SCP2: variants seen among roughly 807,000 people sequenced by gnomAD.
The protein encoded by SCP2 is SCP-2/3-oxoacyl-CoA thiolase.
In SCP2, 48 loss-of-function variants were observed where a neutral mutation model predicts 71.4. The ratio of observed to expected loss-of-function variants is 0.67; its 90% CI spans 0.53 to 0.86. The LOEUF is 0.86. Among genes scored for constraint, SCP2 ranks in the 40% least tolerant of loss-of-function variants. The pLI, the probability that SCP2 is intolerant of heterozygous loss-of-function variation, is 0.00. For synonymous variants in SCP2, 220 were observed against 218.1 expected (o/e 1.01, Z -0.08); for missense variants, 560 against 655.6 (o/e 0.85, Z 1.59).
At chr1:53,020,120 C>G (rs1187973491) in intron 12 of SCP2, among the ~76,000 whole-genome samples, 1 of 152,138 alleles carries the variant, frequency 6.6e-6, no homozygotes, top group Non-Finnish European at 1.5e-5. Flanking sequence ...CTCCTGAACT[C>G]AAGTGATCTG....
chr1:52,993,809 T>A, intron 11 of SCP2: 1 of 1,531,840 alleles, frequency 6.5e-7, no homozygotes, highest in Admixed American at 1.9e-5. Flanking sequence ...GTAATCAATA[T>A]CCTGAATTTG....
intron 11 of SCP2, chr1:52,993,874 C>A (rs781530438): frequency 3.4e-6 from 5 of 1,468,716 alleles, no homozygotes; most frequent in Non-Finnish European, 1.8e-6. Flanking sequence ...GATAGTATTC[C>A]TAAGCTATGT....
At chr1:53,014,190 C>A in intron 11 of SCP2, among the ~76,000 whole-genome samples, 1 of 151,750 alleles carries the variant, frequency 6.6e-6, no homozygotes, top group Non-Finnish European at 1.5e-5. Flanking sequence ...CAGGCGTGAG[C>A]CACCGCGCCC....
At chr1:53,030,814 C>A (rs1662485017) in intron 13 of SCP2, among the ~76,000 whole-genome samples, 1 of 151,058 alleles carries the variant, frequency 6.6e-6, no homozygotes, top group Non-Finnish European at 1.5e-5. Context: ...GCAGGAGAAT[C>A]GCTTGAACCT....
At chr1:52,979,154 T>C (rs934716402) in intron 9 of SCP2, among the ~76,000 whole-genome samples, 11 of 152,104 alleles carry the variant, frequency 7.2e-5, no homozygotes, top group Non-Finnish European at 1.3e-4. Flanking sequence ...CATTTTTCAT[T>C]ATACCACAGT....
intron 12 of SCP2, 86 bp from the exon 13 acceptor site, chr1:53,027,883 A>C: frequency 2.6e-6 from 2 of 757,424 alleles, no homozygotes; most frequent in Non-Finnish European, 4.6e-6. Context: ...AGGGTTTTTG[A>C]AAATTTTGAA....
intron 11 of SCP2, chr1:52,994,844 G>A (rs1296929177): frequency 3.9e-6 from 2 of 508,620 alleles, no homozygotes; most frequent in Non-Finnish European, 7.8e-6. Context: ...CATGGGGACA[G>A]CGACCTGCAG....
intron 13 of SCP2, among the ~76,000 whole-genome samples, chr1:53,038,524 C>T (rs1482757286): frequency 6.6e-6 from 1 of 152,096 alleles, no homozygotes; most frequent in East Asian, 1.9e-4. Context: ...CCCATTTCAG[C>T]CTCCTGAGTA....
intron 11 of SCP2, chr1:52,995,882 T>C: frequency 1.4e-6 from 2 of 1,456,528 alleles, no homozygotes; most frequent in Non-Finnish European, 1.9e-6. Context: ...CCTCCACTGG[T>C]ACACAGCTGA....
chr1:53,004,668 T>C (rs1444563992), intron 11 of SCP2, among the ~76,000 whole-genome samples: 1 of 152,238 alleles, frequency 6.6e-6, no homozygotes, highest in Non-Finnish European at 1.5e-5. Flanking sequence ...GGTTCCAAGA[T>C]GGCCAAATAG....
At chr1:52,979,372 G>A (rs1658277730) in intron 9 of SCP2, among the ~76,000 whole-genome samples, 1 of 148,312 alleles carries the variant, frequency 6.7e-6, no homozygotes, top group Admixed American at 6.7e-5. Flanking sequence ...GTAAAGACAC[G>A]ATTTTGCCAT....
chr1:53,009,666 T>C (rs1255348478), intron 11 of SCP2, among the ~76,000 whole-genome samples: 2 of 152,058 alleles, frequency 1.3e-5, no homozygotes, highest in Admixed American at 1.3e-4. Context: ...CCTAAAACCA[T>C]AAAAACCCTA....
In SCP2 at chr1:53,017,227, A is replaced by T. The variant is rs949471803; in HGVS notation, c.1235+2184A>T. On this transcript the variant is annotated intron_variant, in intron 12 of 15. Transcript: ENST00000371514. ...TTTAAAATTAAGGTATAATTTACAT[A>T]CAGTAAAATTCATTCTTTGTATTAT... Among the ~76,000 whole-genome samples, 4 of 152,330 alleles carry T rather than the reference A, an allele frequency of 2.6e-5. No individual in the cohort carries two copies. The East Asian group carries it at 5.8e-4, about 22-fold the overall frequency.
chr1:52,971,062 G>A (rs1657437043), intron 6 of SCP2, among the ~76,000 whole-genome samples: 1 of 139,092 alleles, frequency 7.2e-6, no homozygotes, highest in Non-Finnish European at 1.5e-5. Flanking sequence ...TGCAAGCTCT[G>A]CCTCCCGGGT....
intron 12 of SCP2, among the ~76,000 whole-genome samples, chr1:53,022,206 A>G (rs1267622826): frequency 6.6e-6 from 1 of 152,218 alleles, no homozygotes; most frequent in Non-Finnish European, 1.5e-5. Context: ...TGGACGTTGT[A>G]TGTAAATGAA....
rs7528867 is a variant in SCP2, at chr1:52,988,258, A to T, written c.1081+122A>T. 57,988 of 673,436 alleles carry T rather than the reference A, an allele frequency of 0.086. 6,952 individuals carry two copies. Among genetic ancestry groups the T allele is most frequent in the African/African-American group, 0.46 (25,145 of 55,236 alleles). 41.7% of individuals were successfully genotyped at this position (673,436 alleles called of 1,614,324 possible). ...AACTTGGTAGCTGGTGCTTTAAATGATTGTTTAGCTTCAATATTTTTGATG... is the reference window on the plus strand; with the variant it reads ...AACTTGGTAGCTGGTGCTTTAAATGTTTGTTTAGCTTCAATATTTTTGATG... On this transcript the variant is annotated intron_variant, in intron 11 of 15. Coordinates refer to ENST00000371514, the MANE Select transcript of SCP2 (RefSeq NM_002979.5).
intron 6 of SCP2, among the ~76,000 whole-genome samples, chr1:52,964,842 G>A (rs1298632637): frequency 6.6e-6 from 1 of 151,926 alleles, no homozygotes; most frequent in Non-Finnish European, 1.5e-5. Flanking sequence ...GTGAAACCCC[G>A]TCTCTACTAA....
intron 11 of SCP2, among the ~76,000 whole-genome samples, chr1:52,998,295 T>C (rs1037159982): frequency 6.6e-6 from 1 of 152,196 alleles, no homozygotes; most frequent in Non-Finnish European, 1.5e-5. Flanking sequence ...GACAGATCTA[T>C]ATGAGTAACT....
intron 7 of SCP2, 46 bp downstream of exon 7, chr1:52,974,878 A>G (rs375856445): frequency 4.5e-6 from 4 of 890,258 alleles, no homozygotes; most frequent in East Asian, 4.8e-5. Flanking sequence ...GGGTTATCCT[A>G]CTGTATAATA....
Sources: allele counts gnomAD v4.1 joint callset (sites outside exome capture counted in the v4.1 genomes callset), GRCh38; gene constraint gnomAD v4.1.1; transcripts MANE v1.5; gene names NCBI Gene and HGNC (gene_info 2026-07-23, HGNC 2026-07-21).